The following CHD8 variants were observed in gnomAD, a reference collection of about 807,000 sequenced individuals.
CHD8 encodes chromodomain helicase DNA binding protein 8.
Under a neutral mutation model 279.2 loss-of-function variants are expected in CHD8, and 31 were observed. The observed-to-expected ratio is 0.11, with a 90% confidence interval of 0.08 to 0.15. The LOEUF (loss-of-function observed/expected upper bound fraction) is 0.15. CHD8 is among the 10% of genes least tolerant of loss of function. The pLI is 1.00. For missense variants in CHD8, 2,146 were observed against 3,230.5 expected, an observed-to-expected ratio of 0.66 and a Z score of 8.14; for synonymous variants, 1,081 against 1,139.6, an observed-to-expected ratio of 0.95 and a Z score of 1.04.
rs61973167 is a variant in CHD8, at chr14:21,394,601, G to C, written c.5391-116C>G. 6.6e-5 allele frequency: 5 copies of C among 75,964 alleles called. 1 individual carries two copies. Among genetic ancestry groups the C allele is most frequent in the Admixed American group, 2.3e-4 (1 of 4,406 alleles). 4.7% of individuals were successfully genotyped at this position (75,964 alleles called of 1,614,324 possible). A position where few individuals can be genotyped will look rare whatever the true frequency, so the allele number is the denominator to read the frequency against. The stretch of plus-strand genomic sequence containing the variant: ...TCTGAAAACACAAAAATTGAAAGTA[G>C]ACGCAAAAAAAAAAAAAAAAAAAGG... On this transcript the variant is annotated intron_variant, in intron 30 of 37. Coordinates refer to ENST00000646647, the MANE Select transcript of CHD8 (RefSeq NM_001170629.2).
intron 1 of CHD8, chr14:21,436,881 G>A (rs1242935825): frequency 8.8e-7 from 1 of 1,133,638 alleles, no homozygotes; most frequent in Non-Finnish European, 1.2e-6. Flanking sequence ...GTGGGGGTGG[G>A]GGGGACCCGG....
At chr14:21,449,553 G>A (rs1260413679) in intron 1 of CHD8, among the ~76,000 whole-genome samples, 1 of 152,182 alleles carries the variant, frequency 6.6e-6, no homozygotes, top group Non-Finnish European at 1.5e-5. Flanking sequence ...CAGGACTGCT[G>A]GGCAGGATGA....
chr14:21,421,311 C>T (rs1408528287), intron 5 of CHD8, among the ~76,000 whole-genome samples: 1 of 151,834 alleles, frequency 6.6e-6, no homozygotes, highest in Non-Finnish European at 1.5e-5. Flanking sequence ...ACTACATACA[C>T]CTTTTTTCAT....
In CHD8 at chr14:21,400,857, G is replaced by C. The variant is rs1164059845; in HGVS notation, c.4370+18C>G. On this transcript the variant is annotated intron_variant, in intron 22 of 37. Coordinates refer to ENST00000646647, the MANE Select transcript of CHD8 (RefSeq NM_001170629.2). The surrounding 1 kb of genome is among the most constrained non-coding windows in gnomAD (Gnocchi z 4.2). Reference sequence around the variant, plus strand: ...AGATGCACTATGCACTACCTCTAATGGTAAGTTGGGGTCTTACCCATATAC... The same window carrying C: ...AGATGCACTATGCACTACCTCTAATCGTAAGTTGGGGTCTTACCCATATAC... The C allele has an allele frequency of 1.3e-6, 2 of 1,588,358 alleles. No individual in the cohort carries two copies. The highest frequency in any genetic ancestry group is 2.3e-5 in the South Asian group (2 of 86,394).
intron 5 of CHD8, among the ~76,000 whole-genome samples, chr14:21,421,739 T>C (rs1361716883): frequency 6.6e-6 from 1 of 152,136 alleles, no homozygotes; most frequent in African/African-American, 2.4e-5. Context: ...ACCAAATCCA[T>C]ATGTTGAAGC....
chr14:21,430,433 T>C (rs183870110), intron 2 of CHD8: 2 of 178,552 alleles, frequency 1.1e-5, no homozygotes, highest in Admixed American at 1.1e-4. Flanking sequence ...TCTTCAAAGA[T>C]GTTTCTTTGT....
At chr14:21,449,432 C>T (rs1361669918) in intron 1 of CHD8, among the ~76,000 whole-genome samples, 1 of 152,196 alleles carries the variant, frequency 6.6e-6, no homozygotes, top group Non-Finnish European at 1.5e-5. Flanking sequence ...AACAGTACCA[C>T]TGAAGGCTTC....
At chr14:21,390,860 A>C (rs1887501932) in intron 37 of CHD8, 87 bp downstream of exon 37, 1 of 713,094 alleles carries the variant, frequency 1.4e-6, no homozygotes, top group Admixed American at 2.4e-5. Context: ...AAAAAAGATA[A>C]ATAACATTAG....
chr14:21,415,963 T>G (rs1052951302), intron 5 of CHD8, 56 bp from the exon 6 acceptor site: 24 of 1,428,856 alleles, frequency 1.7e-5, no homozygotes, highest in African/African-American at 2.9e-5. Flanking sequence ...GAGAAGACTT[T>G]TAAAATTATT....
Position 21,402,405 on chromosome 14 carries a change from G to C in CHD8, c.3813C>G (p.Ala1271=), listed in dbSNP as rs761819952. ...CCTTATCCAACCCCAACTTGAGGCT[G>C]GCCTTATCAAACATCTCTCTCTCGT... is the stretch of plus-strand genomic sequence containing the variant. The part of the protein sequence containing the change: ...NSYEREMFDK[A]SLKLGLDKAV... The change falls in exon 19 of 38, where the codon GCC becomes GCG. Residue 1271 remains alanine (A), a synonymous_variant. Coordinates refer to ENST00000646647, the MANE Select transcript of CHD8 (RefSeq NM_001170629.2). The surrounding 1 kb of genome is among the most constrained non-coding windows in gnomAD (Gnocchi z 4.5). The C allele has an allele frequency of 4.3e-6, 7 of 1,613,946 alleles. No individual in the cohort carries two copies. In the African/African-American group the frequency reaches 9.3e-5, roughly 22 times the overall value.
intron 5 of CHD8, among the ~76,000 whole-genome samples, chr14:21,417,010 G>C (rs1279162670): frequency 6.6e-6 from 1 of 152,202 alleles, no homozygotes; most frequent in Admixed American, 6.5e-5. Flanking sequence ...TGAGGCAGGA[G>C]AATGGCTTGA....
At chr14:21,418,544 G>C (rs1416453694) in intron 5 of CHD8, among the ~76,000 whole-genome samples, 1 of 151,628 alleles carries the variant, frequency 6.6e-6, no homozygotes, top group Non-Finnish European at 1.5e-5. Flanking sequence ...AGCCAGGCGC[G>C]GTGGCCCACG....
chr14:21,418,566 A>T (rs1162137656), intron 5 of CHD8, among the ~76,000 whole-genome samples: 1 of 152,110 alleles, frequency 6.6e-6, no homozygotes, highest in East Asian at 1.9e-4. Flanking sequence ...CTGTAATCCC[A>T]GCACTTTGGG....
Position 21,428,612 on chromosome 14 carries a change from GGGA to G in CHD8, c.1215+349_1215+351del, listed in dbSNP as rs532029479. On this transcript the variant is annotated intron_variant, in intron 3 of 37. Coordinates refer to ENST00000646647, the MANE Select transcript of CHD8 (RefSeq NM_001170629.2). ...GGCCTACCTTTTATCTGCCTGGGCG[GGGA>G]GAGGGGAGGACTGATCACTTATTTC... 3.2e-3 allele frequency among the ~76,000 whole-genome samples: 489 copies of G among 152,236 alleles called. 2 individuals carry two copies. The highest frequency in any genetic ancestry group is 5.2e-3 in the Non-Finnish European group (355 of 68,018).
chr14:21,434,039 C>CTTTTT (rs57822562), intron 1 of CHD8, among the ~76,000 whole-genome samples: 10 of 115,870 alleles, frequency 8.6e-5, no homozygotes, highest in East Asian at 2.5e-4. Context: ...GTGAAAGTTT[C>CTTTTT]TTTTTTTTTT....
intron 1 of CHD8, among the ~76,000 whole-genome samples, chr14:21,453,898 G>A (rs1274757804): frequency 6.6e-6 from 1 of 151,906 alleles, no homozygotes; most frequent in East Asian, 1.9e-4. Flanking sequence ...GCTCATGCCT[G>A]TAATCCCAGC....
In CHD8 at chr14:21,417,851, C is replaced by CAAA. The variant is rs59449804; in HGVS notation, c.1717-1947_1717-1945dup. ...CCTGGGAGACACAGTGAGACTCTCTCAAAAAAAAAAAAAAATATATATATA... is the reference window on the plus strand; with the variant it reads ...CCTGGGAGACACAGTGAGACTCTCTCAAAAAAAAAAAAAAAAAATATATATATA... On this transcript the variant is annotated intron_variant, in intron 5 of 37. Transcript: ENST00000646647. Among the ~76,000 whole-genome samples the CAAA allele has an allele frequency of 1.1e-3, 132 of 116,030 alleles. 1 individual carries two copies. The highest frequency in any genetic ancestry group is 3.2e-3 in the African/African-American group (91 of 28,658). The allele number at this position is 116,030 out of a possible 152,430, so 76.1% of individuals were successfully genotyped here.
rs558381857 is a variant in CHD8 at position 21,408,070 on chromosome 14, G to GT, written c.2730+241dup. 1.6e-4 allele frequency among the ~76,000 whole-genome samples: 25 copies of GT among 152,170 alleles called. No homozygotes were observed. The highest frequency in any genetic ancestry group is 5.9e-4 in the Admixed American group (9 of 15,282). On this transcript the variant is annotated intron_variant, in intron 13 of 37. Transcript: ENST00000646647. The surrounding 1 kb of genome is among the most constrained non-coding windows in gnomAD (Gnocchi z 4.3). ...GCTGACAAAATTCTACTTAAAATGT[G>GT]TATGTTCATAAATAAAATCAGAACT...
rs1052311029 is a variant in CHD8, at chr14:21,400,107, T to A, written c.4728-37A>T. The A allele has an allele frequency of 6.2e-7, 1 of 1,613,270 alleles. No individual in the cohort carries two copies. Among genetic ancestry groups the A allele is most frequent in the African/African-American group, 1.3e-5 (1 of 74,888 alleles). Reference sequence around the variant, plus strand: ...AGAGGAAGAGCTGGCTCAGTAACACTGTAGAAGTTTGAGGTGGAAAATGTC... The same window carrying A: ...AGAGGAAGAGCTGGCTCAGTAACACAGTAGAAGTTTGAGGTGGAAAATGTC... On this transcript the variant is annotated intron_variant, in intron 24 of 37. Transcript: ENST00000646647. The surrounding 1 kb of genome is among the most constrained non-coding windows in gnomAD (Gnocchi z 4.2).
Sources: allele counts gnomAD v4.1 joint callset (sites outside exome capture counted in the v4.1 genomes callset), GRCh38; gene constraint gnomAD v4.1.1; non-coding constraint Gnocchi (gnomAD v3.1); transcripts MANE v1.5; gene names NCBI Gene and HGNC (gene_info 2026-07-23, HGNC 2026-07-21).